The following SPOCK1 variants were observed in gnomAD, a reference collection of about 807,000 sequenced individuals.
SPOCK1 encodes SPARC (osteonectin), cwcv and kazal like domains proteoglycan 1.
Under a neutral mutation model 55.3 loss-of-function variants are expected in SPOCK1, and 23 were observed. The observed-to-expected ratio is 0.42, with a 90% CI of 0.30 to 0.59. The LOEUF is 0.59. Among genes scored for constraint, SPOCK1 ranks in the 20% least tolerant of loss-of-function variants. The pLI, the probability that SPOCK1 is intolerant of heterozygous loss-of-function variation, is 0.22. For synonymous variants in SPOCK1, 226 were observed against 221.0 expected (o/e 1.02, Z -0.20); for missense variants, 499 against 552.5 (o/e 0.90, Z 0.97).
intron 3 of SPOCK1, among the ~76,000 whole-genome samples, chr5:137,237,501 G>C (rs891105008): frequency 6.6e-6 from 1 of 152,216 alleles, no homozygotes; most frequent in African/African-American, 2.4e-5. Flanking sequence ...AGTAAATGAT[G>C]CTTTACTGAC....
At chr5:137,435,138 C>T (rs1001162605) in intron 2 of SPOCK1, among the ~76,000 whole-genome samples, 1 of 152,202 alleles carries the variant, frequency 6.6e-6, no homozygotes, top group Non-Finnish European at 1.5e-5. Flanking sequence ...ATATCAAGTA[C>T]ATTTAATTTC....
At chr5:137,133,762 G>T (rs1190372391) in intron 4 of SPOCK1, among the ~76,000 whole-genome samples, 1 of 152,144 alleles carries the variant, frequency 6.6e-6, no homozygotes, top group Non-Finnish European at 1.5e-5. Context: ...AGTGACATGT[G>T]GTTTGAATGA....
chr5:137,370,661 C>A (rs955515438), intron 2 of SPOCK1, among the ~76,000 whole-genome samples: 2 of 152,152 alleles, frequency 1.3e-5, no homozygotes, highest in African/African-American at 4.8e-5. Context: ...GTAAAGTCAC[C>A]AGCAAATTTA....
chr5:137,429,529 G>A (rs1039789202), intron 2 of SPOCK1, among the ~76,000 whole-genome samples: 1 of 152,170 alleles, frequency 6.6e-6, no homozygotes, highest in African/African-American at 2.4e-5. Flanking sequence ...TCAGTACAAC[G>A]GCCTCAGAGC....
At chr5:137,317,183 G>A (rs1302308223) in intron 2 of SPOCK1, among the ~76,000 whole-genome samples, 1 of 152,162 alleles carries the variant, frequency 6.6e-6, no homozygotes, top group Non-Finnish European at 1.5e-5. Flanking sequence ...ACCAACTACA[G>A]CCCTTGTCTC....
intron 3 of SPOCK1, among the ~76,000 whole-genome samples, chr5:137,229,366 G>C (rs565216741): frequency 1.3e-5 from 2 of 152,146 alleles, no homozygotes; most frequent in East Asian, 3.9e-4. Flanking sequence ...CAGCTAAAAG[G>C]GGGGCTGGTC....
chr5:137,040,825 C>A (rs184897951), intron 6 of SPOCK1, among the ~76,000 whole-genome samples: 1 of 152,228 alleles, frequency 6.6e-6, no homozygotes, highest in East Asian at 1.9e-4. Context: ...GGCATAATGG[C>A]TCATCAAGAT....
intron 4 of SPOCK1, among the ~76,000 whole-genome samples, chr5:137,116,571 G>T (rs1453970648): frequency 6.6e-6 from 1 of 151,860 alleles, no homozygotes; most frequent in African/African-American, 2.4e-5. Context: ...ACTTGAACAC[G>T]GCAGGCGGAG....
intron 3 of SPOCK1, among the ~76,000 whole-genome samples, chr5:137,261,365 G>A (rs1230684630): frequency 6.6e-6 from 1 of 152,118 alleles, no homozygotes; most frequent in East Asian, 1.9e-4. Flanking sequence ...ATAATCCACT[G>A]GGCTGGTGGT....
At chr5:137,059,250 TGACA>T (rs1186160880) in intron 6 of SPOCK1, among the ~76,000 whole-genome samples, 1 of 137,794 alleles carries the variant, frequency 7.3e-6, no homozygotes, top group African/African-American at 2.6e-5. Context: ...GGTTAGCTGG[TGACA>T]GACAGGCAAA....
intron 4 of SPOCK1, among the ~76,000 whole-genome samples, chr5:137,119,360 A>G (rs1456022728): frequency 1.3e-5 from 2 of 152,246 alleles, no homozygotes; most frequent in African/African-American, 4.8e-5. Flanking sequence ...TGAAATGAAA[A>G]ACATGTTAAC....
intron 4 of SPOCK1, among the ~76,000 whole-genome samples, chr5:137,134,974 G>A (rs983004463): frequency 1.3e-5 from 2 of 152,178 alleles, no homozygotes; most frequent in East Asian, 3.9e-4. Context: ...CTGGTGTGGA[G>A]AATTAGTTGT....
chr5:137,496,364 G>A (rs1328473346), intron 2 of SPOCK1, among the ~76,000 whole-genome samples: 6 of 152,200 alleles, frequency 3.9e-5, no homozygotes, highest in Admixed American at 3.9e-4. Flanking sequence ...AAAATTTAAA[G>A]CTAAGCAGGA....
intron 2 of SPOCK1, among the ~76,000 whole-genome samples, chr5:137,400,879 A>C (rs1040191689): frequency 5.7e-4 from 86 of 152,210 alleles, no homozygotes; most frequent in African/African-American, 2.0e-3. Flanking sequence ...CAGACAAATC[A>C]GGGGTGGTTC....
At chr5:137,143,377 C>T (rs1414999409) in intron 3 of SPOCK1, among the ~76,000 whole-genome samples, 1 of 152,172 alleles carries the variant, frequency 6.6e-6, no homozygotes, top group African/African-American at 2.4e-5. Context: ...ACGGACAGTG[C>T]AATCACAAGG....
At chr5:137,192,655 G>A (rs902986932) in intron 3 of SPOCK1, among the ~76,000 whole-genome samples, 2 of 152,178 alleles carry the variant, frequency 1.3e-5, no homozygotes, top group Non-Finnish European at 2.9e-5. Context: ...TTCATACTTT[G>A]CAAAGATGAC....
intron 3 of SPOCK1, among the ~76,000 whole-genome samples, chr5:137,247,818 G>A (rs1331949517): frequency 1.3e-5 from 2 of 152,106 alleles, no homozygotes; most frequent in East Asian, 1.9e-4. Flanking sequence ...ATAACAACCC[G>A]CTGTTGCAGG....
At chr5:137,387,529 A>C (rs1561522178) in intron 2 of SPOCK1, among the ~76,000 whole-genome samples, 1 of 152,262 alleles carries the variant, frequency 6.6e-6, no homozygotes, top group South Asian at 2.1e-4. Flanking sequence ...TAAATGAAAG[A>C]AGCCAGTGTG....
chr5:137,226,361 G>A (rs999402874), intron 3 of SPOCK1, among the ~76,000 whole-genome samples: 4 of 152,220 alleles, frequency 2.6e-5, no homozygotes, highest in African/African-American at 7.2e-5. Context: ...TAACACCCAC[G>A]TTGTGGCTTG....
Sources: gnomAD v4.1 joint callset for allele counts (sites outside exome capture counted in the v4.1 genomes callset) on GRCh38, gnomAD v4.1.1 for gene constraint, MANE v1.5 for transcripts, NCBI Gene and HGNC (gene_info 2026-07-23, HGNC 2026-07-21) for gene names.